ETV1: variants seen among roughly 807,000 people sequenced by gnomAD.
The protein encoded by ETV1 is ETS variant transcription factor 1, also known as ETS translocation variant 1.
In ETV1, 27 loss-of-function variants were observed where a neutral mutation model predicts 62.3. The ratio of observed to expected loss-of-function variants is 0.43; its 90% confidence interval spans 0.32 to 0.60. The LOEUF (loss-of-function observed/expected upper bound fraction) is 0.60. Ranked by LOEUF, ETV1 falls within the 20% of genes least tolerant of loss-of-function variation. ETV1 has a pLI of 0.06. For missense variants in ETV1, 605 were observed against 605.8 expected, an observed-to-expected ratio of 1.00 and a Z score of 0.01; for synonymous variants, 222 against 199.6, an observed-to-expected ratio of 1.11 and a Z score of -0.94.
At chr7:13,929,935 A>G (rs1299025720) in intron 9 of ETV1, among the ~76,000 whole-genome samples, 2 of 152,206 alleles carry the variant, frequency 1.3e-5, no homozygotes, top group African/African-American at 4.8e-5. Context: ...TCTTATACGC[A>G]AACTGGTAAC....
At chr7:13,926,766 C>A (rs576122599) in intron 9 of ETV1, among the ~76,000 whole-genome samples, 2 of 152,182 alleles carry the variant, frequency 1.3e-5, no homozygotes, top group South Asian at 4.1e-4. Flanking sequence ...TATCATGATA[C>A]AATCATGATC....
At chr7:13,964,342 A>G (rs1790529467) in intron 6 of ETV1, among the ~76,000 whole-genome samples, 1 of 152,164 alleles carries the variant, frequency 6.6e-6, no homozygotes, top group Admixed American at 6.6e-5. Flanking sequence ...ATTTGACAAC[A>G]ACTTTTGCTG....
chr7:13,925,797 C>G (rs1338827295), intron 9 of ETV1, among the ~76,000 whole-genome samples: 1 of 151,948 alleles, frequency 6.6e-6, no homozygotes, highest in African/African-American at 2.4e-5. Flanking sequence ...ACCTCGTGAT[C>G]CGCCCACCTC....
At chr7:13,984,612 A>T (rs538532095) in intron 5 of ETV1, among the ~76,000 whole-genome samples, 2 of 152,130 alleles carry the variant, frequency 1.3e-5, no homozygotes, top group Admixed American at 1.3e-4. Flanking sequence ...AAAACGCTTA[A>T]ATTATTCTAA....
intron 11 of ETV1, among the ~76,000 whole-genome samples, chr7:13,908,068 T>C (rs927612665): frequency 2.0e-5 from 3 of 152,148 alleles, no homozygotes; most frequent in African/African-American, 7.2e-5. Context: ...CATTTTATAG[T>C]CTCTATATTG....
rs1782742423 is a variant in ETV1 at position 13,988,370 on chromosome 7, G to A, written c.46-197C>T. On this transcript the variant is annotated intron_variant, in intron 3 of 13. Transcript: ENST00000430479. ...ATTTGACAGTGAAAGCTTATGTTAA[G>A]CAGGCAGGGAGAGTTGCTTCCCAGT... The A allele has an allele frequency of 8.6e-6, 5 of 580,620 alleles. No individual in the cohort carries two copies. In the South Asian group the frequency reaches 1.1e-4, roughly 13 times the overall value. 36.0% of individuals were successfully genotyped at this position (580,620 alleles called of 1,614,324 possible).
At position 13,962,312 on chromosome 7, in the gene ETV1, T is replaced by C. The variant is rs148489763; in HGVS notation, c.235+15115A>G. Among the ~76,000 whole-genome samples, 15 of 151,938 alleles carry C rather than the reference T, an allele frequency of 9.9e-5. No homozygotes were observed. The East Asian group carries it at 2.9e-3, about 30-fold the overall frequency. ...AGGCACAATGATCTTAAATTGCTTG[T>C]ACAAGGTCACACAGCTAGTAAATAG... On this transcript the variant is annotated intron_variant, in intron 6 of 13. Transcript: ENST00000430479.
chr7:13,950,791 A>G (rs764786978), intron 6 of ETV1, among the ~76,000 whole-genome samples: 2 of 152,072 alleles, frequency 1.3e-5, no homozygotes, highest in Non-Finnish European at 2.9e-5. Flanking sequence ...GAGGTTGACA[A>G]CATTTCTTTG....
chr7:13,913,982 C>G (rs1464294624), intron 9 of ETV1, among the ~76,000 whole-genome samples: 1 of 149,530 alleles, frequency 6.7e-6, no homozygotes, highest in African/African-American at 2.5e-5. Context: ...CCTCCCGGCT[C>G]AGGCCATTCT....
At chr7:13,970,339 C>T (rs1780774844) in intron 6 of ETV1, among the ~76,000 whole-genome samples, 1 of 146,228 alleles carries the variant, frequency 6.8e-6, no homozygotes, top group South Asian at 2.2e-4. Flanking sequence ...GCAGCAACTA[C>T]AAAAAGCATA....
In ETV1 at chr7:13,910,228, CT is replaced by C. The variant is rs58867942; in HGVS notation, c.872-529del. On this transcript the variant is annotated intron_variant, in intron 10 of 13. Coordinates refer to ENST00000430479, the MANE Select transcript of ETV1 (RefSeq NM_004956.5). ...AGATAAGAGGAAAAAAAAAGTTTCCCTTTTTTTTTTTTTTTTTTTGCTGTAA... is the reference window on the plus strand; with the variant it reads ...AGATAAGAGGAAAAAAAAAGTTTCCCTTTTTTTTTTTTTTTTTTGCTGTAA... Among the ~76,000 whole-genome samples the C allele has an allele frequency of 3.7e-3, 439 of 120,250 alleles. 2 individuals carry two copies. The highest frequency in any genetic ancestry group is 0.01 in the Middle Eastern group (2 of 194). The allele number at this position is 120,250 out of a possible 152,430, so 78.9% of individuals were successfully genotyped here.
At chr7:13,986,141 T>A (rs10215655) in intron 5 of ETV1, 849,199 of 1,587,022 alleles carry the variant, frequency 0.54, 230,205 homozygotes, top group Admixed American at 0.64. Context: ...GTGAACAAGG[T>A]GGAAAGAAGA....
At chr7:13,902,498 G>A (rs951696946) in intron 12 of ETV1, among the ~76,000 whole-genome samples, 1 of 148,480 alleles carries the variant, frequency 6.7e-6, no homozygotes, top group Non-Finnish European at 1.5e-5. Context: ...AATCTTCTGA[G>A]CAATAGTGAA....
chr7:13,957,822 C>T (rs1445000346), intron 6 of ETV1, among the ~76,000 whole-genome samples: 2 of 152,160 alleles, frequency 1.3e-5, no homozygotes, highest in African/African-American at 4.8e-5. Context: ...GATGAAAGAG[C>T]GCTCTGCTTT....
At chr7:13,944,475 C>T (rs1342471401) in intron 6 of ETV1, among the ~76,000 whole-genome samples, 1 of 152,118 alleles carries the variant, frequency 6.6e-6, no homozygotes, top group Non-Finnish European at 1.5e-5. Context: ...ATCTTCATAA[C>T]CTAATCACTT....
In ETV1 at chr7:13,989,544, A is replaced by G. The variant is rs181247757; in HGVS notation, c.-285+19T>C. 2.5e-6 allele frequency: 1 copy of G among 399,006 alleles called. No homozygotes were observed. Among genetic ancestry groups the G allele is most frequent in the South Asian group, 1.3e-4 (1 of 7,856 alleles). The allele number at this position is 399,006 out of a possible 1,614,324, so 24.7% of individuals were successfully genotyped here. A position where few individuals can be genotyped will look rare whatever the true frequency, so the allele number is the denominator to read the frequency against. ...TGCAATTATCTGGAGAGACATAAAA[A>G]GTTGTTGGAAAGACCCACCTGAAGG... On this transcript the variant is annotated intron_variant, in intron 1 of 13. Transcript: ENST00000430479.
chr7:13,927,544 C>T (rs749540361), intron 9 of ETV1, among the ~76,000 whole-genome samples: 3 of 152,130 alleles, frequency 2.0e-5, no homozygotes, highest in Non-Finnish European at 4.4e-5. Context: ...TTGTTCAACA[C>T]CAATAGGTGA....
In ETV1 at chr7:13,916,930, C is replaced by CA. The variant is rs112923173; in HGVS notation, c.803-5624dup. On this transcript the variant is annotated intron_variant, in intron 9 of 13. Transcript: ENST00000430479. ...CTAGGCAACAGAGCCAGACCTTGTC[C>CA]AAAAAAAAAAAAAAGTAAAAGTAAA... Among the ~76,000 whole-genome samples, 851 of 129,266 alleles carry CA rather than the reference C, an allele frequency of 6.6e-3. 3 individuals are homozygous for CA. Among genetic ancestry groups the CA allele is most frequent in the African/African-American group, 0.019 (666 of 35,766 alleles). The allele number at this position is 129,266 out of a possible 152,430, so 84.8% of individuals were successfully genotyped here.
chr7:13,954,185 A>G (rs1789150318), intron 6 of ETV1, among the ~76,000 whole-genome samples: 2 of 152,364 alleles, frequency 1.3e-5, no homozygotes, highest in East Asian at 3.9e-4. Context: ...AACATGAAAT[A>G]AAATAAAATC....
Sources: allele counts gnomAD v4.1 joint callset (sites outside exome capture counted in the v4.1 genomes callset), GRCh38; gene constraint gnomAD v4.1.1; transcripts MANE v1.5; gene names NCBI Gene and HGNC (gene_info 2026-07-23, HGNC 2026-07-21).